PALLD: variants seen among roughly 807,000 people sequenced by gnomAD.
PALLD encodes palladin, cytoskeletal associated protein, also known as palladin.
PALLD carries 61 observed loss-of-function variants against 123.5 expected under a neutral mutation model. That is an observed-to-expected ratio of 0.49 (90% CI 0.40 to 0.61). PALLD has a LOEUF of 0.61. PALLD is among the 20% of genes least tolerant of loss of function. PALLD has a pLI of 0.00. For missense variants in PALLD, 1,273 were observed against 1,377.0 expected, an observed-to-expected ratio of 0.92 and a Z score of 1.20; for synonymous variants, 465 against 496.4, an observed-to-expected ratio of 0.94 and a Z score of 0.84.
chr4:168,574,908 C>G (rs1465202927), intron 2 of PALLD, among the ~76,000 whole-genome samples: 7 of 152,120 alleles, frequency 4.6e-5, no homozygotes, highest in Non-Finnish European at 7.4e-5. Context: ...GTATTTATCA[C>G]TCTCTGACTC....
At chr4:168,881,061 C>A (rs556118149) in intron 10 of PALLD, among the ~76,000 whole-genome samples, 3 of 152,186 alleles carry the variant, frequency 2.0e-5, no homozygotes, top group African/African-American at 7.2e-5. Flanking sequence ...TGGGCCATCA[C>A]GTCCGTCTAG....
chr4:168,768,342 T>C lies in PALLD; in HGVS notation c.1964+56419T>C, dbSNP rs115803835. Among the ~76,000 whole-genome samples the C allele has an allele frequency of 6.2e-3, 941 of 152,326 alleles. 4 individuals are homozygous for C. The highest frequency in any genetic ancestry group is 0.027 in the Middle Eastern group (8 of 294). Reference sequence around the variant, plus strand: ...GAAAAGCTAAAACATCCGCTCTACCTGTGAGTGCTCTTCTTTGAATGTTCA... The same window carrying C: ...GAAAAGCTAAAACATCCGCTCTACCCGTGAGTGCTCTTCTTTGAATGTTCA... On this transcript the variant is annotated intron_variant, in intron 10 of 21. Coordinates refer to ENST00000505667, the MANE Select transcript of PALLD (RefSeq NM_001166108.2).
intron 2 of PALLD, among the ~76,000 whole-genome samples, chr4:168,520,634 G>A (rs185809962): frequency 1.3e-5 from 2 of 152,248 alleles, no homozygotes; most frequent in Admixed American, 6.5e-5. Context: ...TTAGCGAAAT[G>A]GAATAATTCA....
chr4:168,720,410 A>G (rs1261312549), intron 10 of PALLD, among the ~76,000 whole-genome samples: 1 of 152,244 alleles, frequency 6.6e-6, no homozygotes, highest in African/African-American at 2.4e-5. Flanking sequence ...CAAATAACAA[A>G]GCAATTTAGT....
At chr4:168,688,149 C>T (rs548939612) in intron 6 of PALLD, among the ~76,000 whole-genome samples, 1 of 152,304 alleles carries the variant, frequency 6.6e-6, no homozygotes, top group East Asian at 1.9e-4. Flanking sequence ...AGAAAATAAT[C>T]CTGCTGATCT....
At chr4:168,700,050 C>A in intron 8 of PALLD, 1 of 329,954 alleles carries the variant, frequency 3.0e-6, no homozygotes, top group Non-Finnish European at 6.0e-6. Context: ...GAGTGAGATG[C>A]CACCAGATGA....
intron 10 of PALLD, among the ~76,000 whole-genome samples, chr4:168,753,737 G>T (rs1731382429): frequency 6.6e-6 from 1 of 152,182 alleles, no homozygotes; most frequent in Admixed American, 6.5e-5. Flanking sequence ...GTGACGACCA[G>T]CACCAACTTG....
chr4:168,606,193 G>A (rs1773148001), intron 2 of PALLD, among the ~76,000 whole-genome samples: 1 of 152,156 alleles, frequency 6.6e-6, no homozygotes, highest in East Asian at 1.9e-4. Context: ...GGGAAGTTGA[G>A]CATCCTTACG....
intron 2 of PALLD, among the ~76,000 whole-genome samples, chr4:168,666,709 C>A (rs1779695287): frequency 6.6e-6 from 1 of 152,042 alleles, no homozygotes; most frequent in East Asian, 1.9e-4. Context: ...TAGGGAAAAA[C>A]CTCAAGGGCA....
chr4:168,789,511 C>T (rs567977373), intron 10 of PALLD, among the ~76,000 whole-genome samples: 151 of 152,200 alleles, frequency 9.9e-4, no homozygotes, highest in Non-Finnish European at 1.9e-3. Context: ...TTGAGACCAT[C>T]CTGGCCAAGA....
At position 168,511,656 on chromosome 4, in the gene PALLD, C is replaced by G; in HGVS notation, c.152C>G (p.Ala51Gly). 6.2e-7 allele frequency: 1 copy of G among 1,614,144 alleles called. No homozygotes were observed. The highest frequency in any genetic ancestry group is 8.5e-7 in the Non-Finnish European group (1 of 1,180,024). Residue 51 changes from alanine (A) to glycine (G), a missense_variant, in exon 2 of 22, where the codon GCC becomes GGC. Coordinates refer to ENST00000505667, the MANE Select transcript of PALLD (RefSeq NM_001166108.2). ...KSLDLARRAI[A>G]DSETEDFDSE... is the part of the protein sequence containing the mutation. ...CTTGACCTGGCCCGGAGAGCCATAG[C>G]CGACTCCGAAACAGAAGATTTTGAC...
intron 2 of PALLD, among the ~76,000 whole-genome samples, chr4:168,528,670 C>A (rs972840260): frequency 2.6e-5 from 4 of 152,178 alleles, no homozygotes; most frequent in African/African-American, 9.7e-5. Flanking sequence ...ATTATTAACA[C>A]CAAAAGTTGG....
chr4:168,633,068 T>C (rs1775993084), intron 2 of PALLD, among the ~76,000 whole-genome samples: 3 of 152,218 alleles, frequency 2.0e-5, no homozygotes, highest in Admixed American at 1.3e-4. Context: ...TAATTTAACA[T>C]CCTAGTAGGT....
At chr4:168,671,637 A>G (rs1398714052) in intron 3 of PALLD, among the ~76,000 whole-genome samples, 1 of 152,244 alleles carries the variant, frequency 6.6e-6, no homozygotes, top group Non-Finnish European at 1.5e-5. Context: ...AATTTTTTAA[A>G]AAACAAAAGA....
At chr4:168,744,587 T>C (rs1788676347) in intron 10 of PALLD, among the ~76,000 whole-genome samples, 1 of 152,192 alleles carries the variant, frequency 6.6e-6, no homozygotes, top group African/African-American at 2.4e-5. Flanking sequence ...CCCTCTGTTA[T>C]TTTAGGAGGA....
chr4:168,914,860 G>C (rs1181841518), intron 16 of PALLD, among the ~76,000 whole-genome samples: 1 of 152,206 alleles, frequency 6.6e-6, no homozygotes, highest in Non-Finnish European at 1.5e-5. Flanking sequence ...CATCCACACA[G>C]ACTTTTGTTC....
At chr4:168,861,728 G>A (rs967570739) in intron 10 of PALLD, among the ~76,000 whole-genome samples, 2 of 151,676 alleles carry the variant, frequency 1.3e-5, no homozygotes, top group African/African-American at 4.8e-5. Flanking sequence ...GAGTGTTGTG[G>A]CTGCAAGATC....
chr4:168,608,228 G>A (rs1437286834), intron 2 of PALLD, among the ~76,000 whole-genome samples: 1 of 152,198 alleles, frequency 6.6e-6, no homozygotes, highest in Non-Finnish European at 1.5e-5. Context: ...CCATTCCTGT[G>A]AGTAACTCCA....
intron 3 of PALLD, among the ~76,000 whole-genome samples, chr4:168,671,755 T>C (rs1450317224): frequency 1.3e-5 from 2 of 152,056 alleles, no homozygotes; most frequent in Non-Finnish European, 2.9e-5. Context: ...ATATTTTACT[T>C]ATTCTAGCAC....
Sources: allele counts gnomAD v4.1 joint callset (sites outside exome capture counted in the v4.1 genomes callset), GRCh38; gene constraint gnomAD v4.1.1; transcripts MANE v1.5; gene names NCBI Gene and HGNC (gene_info 2026-07-23, HGNC 2026-07-21).